Variants in CDC123 observed in about 807,000 individuals in gnomAD.
CDC123 encodes translation initiation factor eIF2 assembly protein.
CDC123 carries 37 observed loss-of-function variants against 54.4 expected under a neutral mutation model. That is an observed-to-expected ratio of 0.68 (90% CI 0.52 to 0.89). The LOEUF (loss-of-function observed/expected upper bound fraction) is 0.89, where lower values mean the gene tolerates loss of function less well. Ranked by LOEUF, CDC123 falls within the 40% of genes least tolerant of loss-of-function variation. CDC123 has a pLI of 0.00. For missense variants in CDC123, 361 were observed against 412.1 expected (o/e 0.88, Z 1.07); for synonymous variants, 144 against 136.8 (o/e 1.05, Z -0.37).
At chr10:12,232,652 C>G (rs1835916338) in intron 7 of CDC123, among the ~76,000 whole-genome samples, 2 of 152,046 alleles carry the variant, frequency 1.3e-5, no homozygotes, top group Admixed American at 6.6e-5. Flanking sequence ...GAGCATTTTC[C>G]CAGCTTATTA....
chr10:12,209,007 T>A (rs893212640), intron 2 of CDC123, among the ~76,000 whole-genome samples: 28 of 152,202 alleles, frequency 1.8e-4, no homozygotes, highest in African/African-American at 6.8e-4. Context: ...AGTTCCATCA[T>A]CTGTGTAGAC....
At chr10:12,237,313 T>C (rs1238040493) in intron 9 of CDC123, 47 bp downstream of exon 9, 1 of 1,455,676 alleles carries the variant, frequency 6.9e-7, no homozygotes, top group Non-Finnish European at 9.1e-7. Flanking sequence ...AAATATACAT[T>C]GTTACTGGAC....
intron 1 of CDC123, among the ~76,000 whole-genome samples, chr10:12,197,501 T>G (rs547048498): frequency 1.3e-5 from 2 of 150,512 alleles, no homozygotes; most frequent in Non-Finnish European, 3.0e-5. Flanking sequence ...CTCAGCTTCC[T>G]GAGTAGCTGG....
chr10:12,203,073 G>A (rs946838165), intron 2 of CDC123, among the ~76,000 whole-genome samples: 4 of 152,174 alleles, frequency 2.6e-5, no homozygotes, highest in East Asian at 1.9e-4. Context: ...GAAGAGATGC[G>A]TAGGGTGAGG....
chr10:12,213,703 T>C (rs191096480), intron 4 of CDC123, among the ~76,000 whole-genome samples: 1 of 145,162 alleles, frequency 6.9e-6, no homozygotes, highest in Admixed American at 6.7e-5. Context: ...ATAAAACTCT[T>C]TAATGCGTGT....
chr10:12,250,522 CATA>C lies in CDC123; in HGVS notation c.*190_*192del. ...GGGACTTTGCTACTTGTAAAAATAA[CATA>C]ATAAATAGATCTTAAACATAGGAAA... is the stretch of plus-strand genomic sequence containing the variant. On this transcript the variant is annotated 3_prime_UTR_variant, in exon 13 of 13. Coordinates refer to ENST00000281141, the MANE Select transcript of CDC123 (RefSeq NM_006023.3). 1 of 672,512 alleles carries C rather than the reference CATA, an allele frequency of 1.5e-6. No homozygotes were observed. The highest frequency in any genetic ancestry group is 2.3e-5 in the Admixed American group (1 of 42,600). 41.7% of individuals were successfully genotyped at this position (672,512 alleles called of 1,614,324 possible). A position where few individuals can be genotyped will look rare whatever the true frequency, so the allele number is the denominator to read the frequency against.
chr10:12,201,888 G>A lies in CDC123; in HGVS notation c.146+3112G>A, dbSNP rs188305641. On this transcript the variant is annotated intron_variant, in intron 2 of 12. Coordinates refer to ENST00000281141, the MANE Select transcript of CDC123 (RefSeq NM_006023.3). ...ACAGTGGGGTTGAGGGAGGAAGTGG[G>A]TTTCAGAAGATTGGGAGCTTGCACC... 1.2e-3 allele frequency among the ~76,000 whole-genome samples: 183 copies of A among 152,220 alleles called. 1 individual carries two copies. Among genetic ancestry groups the A allele is most frequent in the Non-Finnish European group, 1.2e-3 (80 of 68,012 alleles).
chr10:12,226,347 G>A (rs976310398), intron 6 of CDC123, among the ~76,000 whole-genome samples: 4 of 151,570 alleles, frequency 2.6e-5, no homozygotes, highest in African/African-American at 9.7e-5. Flanking sequence ...CGGCTGGCCG[G>A]GCGGGGGCTG....
intron 10 of CDC123, among the ~76,000 whole-genome samples, chr10:12,240,007 CA>C (rs34192186): frequency 0.36 from 36,209 of 101,384 alleles, 4,498 homozygotes; most frequent in East Asian, 0.48. Flanking sequence ...GACTCCGTCT[CA>C]AAAAAAAAAA....
intron 6 of CDC123, among the ~76,000 whole-genome samples, chr10:12,218,308 A>G (rs4297373): frequency 0.038 from 5,141 of 136,758 alleles, 121 homozygotes; most frequent in Admixed American, 0.038. Context: ...GTGCAGTGGC[A>G]CGATCTCAGC....
chr10:12,231,625 C>CAAAAAAAA (rs368800002), intron 7 of CDC123, among the ~76,000 whole-genome samples: 1 of 77,278 alleles, frequency 1.3e-5, no homozygotes, highest in Non-Finnish European at 2.5e-5. Context: ...AACTCCGTCT[C>CAAAAAAAA]AAAAAAAAAA....
intron 4 of CDC123, among the ~76,000 whole-genome samples, chr10:12,214,801 T>C (rs1388156616): frequency 2.0e-5 from 3 of 152,226 alleles, no homozygotes; most frequent in Admixed American, 1.3e-4. Context: ...CTGTCTTTTT[T>C]TTTTCCTAGG....
chr10:12,225,884 T>C (rs1464811505), intron 6 of CDC123, among the ~76,000 whole-genome samples: 1 of 150,732 alleles, frequency 6.6e-6, no homozygotes, highest in African/African-American at 2.5e-5. Flanking sequence ...GGGTCTCTGG[T>C]TTTCCTAGGC....
At chr10:12,214,139 T>G (rs1835635853) in intron 4 of CDC123, among the ~76,000 whole-genome samples, 2 of 152,240 alleles carry the variant, frequency 1.3e-5, no homozygotes, top group Non-Finnish European at 2.9e-5. Context: ...AGGGGACTGA[T>G]CACATCTTTT....
chr10:12,238,624 C>A, intron 10 of CDC123, 139 bp downstream of exon 10: 1 of 1,017,346 alleles, frequency 9.8e-7, no homozygotes, highest in Non-Finnish European at 1.4e-6. Context: ...GCCTGTATTC[C>A]CAGCACTTTG....
At chr10:12,236,959 T>C (rs907651535) in intron 8 of CDC123, among the ~76,000 whole-genome samples, 185 bp from the exon 9 acceptor site, 1 of 152,164 alleles carries the variant, frequency 6.6e-6, no homozygotes, top group Non-Finnish European at 1.5e-5. Flanking sequence ...GACATGGCAA[T>C]GTAGGACTTC....
chr10:12,243,054 T>C (rs1836080986), intron 10 of CDC123, among the ~76,000 whole-genome samples: 1 of 152,186 alleles, frequency 6.6e-6, no homozygotes, highest in Non-Finnish European at 1.5e-5. Flanking sequence ...GGATAGCTTC[T>C]GAGCTACAGA....
intron 4 of CDC123, among the ~76,000 whole-genome samples, chr10:12,210,947 C>G (rs542075596): frequency 1.3e-5 from 2 of 152,192 alleles, no homozygotes; most frequent in African/African-American, 4.8e-5. Context: ...GTGATAACAC[C>G]CGCCTCGGCC....
intron 6 of CDC123, among the ~76,000 whole-genome samples, chr10:12,221,288 C>T (rs1835733837): frequency 6.6e-6 from 1 of 152,222 alleles, no homozygotes; most frequent in Non-Finnish European, 1.5e-5. Flanking sequence ...CGCCAGGGCT[C>T]TTTCAGGCCC....
Sources: gnomAD v4.1 joint callset for allele counts (sites outside exome capture counted in the v4.1 genomes callset) on GRCh38, gnomAD v4.1.1 for gene constraint, MANE v1.5 for transcripts, NCBI Gene and HGNC (gene_info 2026-07-23, HGNC 2026-07-21) for gene names.